HIPK4: variants seen among roughly 807,000 people sequenced by gnomAD.
The protein encoded by HIPK4 is homeodomain-interacting protein kinase 4.
Under a neutral mutation model 44.8 loss-of-function variants are expected in HIPK4, and 26 were observed. That is an observed-to-expected ratio of 0.58 (90% confidence interval 0.43 to 0.80). The LOEUF is 0.80. HIPK4 is among the 30% of genes least tolerant of loss of function. The probability of loss-of-function intolerance (pLI) is 0.00; values close to 1 mark genes in which losing one functional copy is unlikely to be tolerated. For synonymous variants in HIPK4, 340 were observed against 355.5 expected, an observed-to-expected ratio of 0.96 and a Z score of 0.49; for missense variants, 729 against 862.6, an observed-to-expected ratio of 0.85 and a Z score of 1.94.
At position 40,379,690 on chromosome 19, in the gene HIPK4, A is replaced by G. The variant is rs772842558; in HGVS notation, c.1748T>C (p.Val583Ala). 6.3e-7 allele frequency: 1 copy of G among 1,595,702 alleles called. No individual in the cohort carries two copies. The highest frequency in any genetic ancestry group is 8.5e-7 in the Non-Finnish European group (1 of 1,173,122). Residue 583 changes from valine (V) to alanine (A), a missense_variant, in exon 4 of 4, where the codon GTC becomes GCC. By Grantham distance (64) the Val-to-Ala change is moderately conservative (BLOSUM62 0). This residue lies in a region of HIPK4 where 533 missense variants were observed against 567.5 expected (regional missense o/e 0.94). Transcript: ENST00000291823. ...LSEPDCTLES[V>A]RGPRAQGLPP... ...GAGCCCCTGAGCCCGTGGGCCCCTG[A>G]CGCTCTCCAGGGTGCAGTCTGGCTC...
In HIPK4 at chr19:40,381,784, C is replaced by CTTT. The variant is rs55780075; in HGVS notation, c.823-619_823-617dup. On this transcript the variant is annotated intron_variant, in intron 2 of 3. Transcript: ENST00000291823. ...ACTCACCTGAGGTCTCACTCAGATC[C>CTTT]TTTTTTTTTTTTTTTTTTTTTTTTT... Among the ~76,000 whole-genome samples, 317 of 72,330 alleles carry CTTT rather than the reference C, an allele frequency of 4.4e-3. 37 individuals carry two copies. The highest frequency in any genetic ancestry group is 8.3e-3 in the African/African-American group (154 of 18,482). The allele number at this position is 72,330 out of a possible 152,430, so 47.5% of individuals were successfully genotyped here. A position where few individuals can be genotyped will look rare whatever the true frequency, so the allele number is the denominator to read the frequency against.
intron 2 of HIPK4, among the ~76,000 whole-genome samples, chr19:40,381,837 C>G (rs1355709570): frequency 1.6e-5 from 2 of 121,616 alleles, no homozygotes; most frequent in Non-Finnish European, 3.2e-5. Flanking sequence ...CAGAGTTTCA[C>G]TCTTGTTGCC....
In HIPK4 at chr19:40,389,672, C is replaced by T. The variant is rs1311119733; in HGVS notation, c.231G>A (p.Glu77=). ...PEEAHVIRFL[E]FFHDALKFYL... The stretch of plus-strand genomic sequence containing the variant: ...AGAACTTGAGGGCGTCATGGAAGAA[C>T]TCAAGGAAGCGGATGACGTGGGCCT... Residue 77 remains glutamate (E), a synonymous_variant, in exon 1 of 4, where the codon GAG becomes GAA. Coordinates refer to ENST00000291823, the MANE Select transcript of HIPK4 (RefSeq NM_144685.5). This position sits in a 1 kb window ranked among gnomAD's most constrained non-coding sequence, Gnocchi z 4.6. 6.2e-7 allele frequency: 1 copy of T among 1,614,196 alleles called. No individual in the cohort carries two copies. The highest frequency in any genetic ancestry group is 1.3e-5 in the African/African-American group (1 of 75,048).
chr19:40,382,674 T>C (rs1301118386), intron 2 of HIPK4, among the ~76,000 whole-genome samples: 2 of 152,150 alleles, frequency 1.3e-5, no homozygotes, highest in Non-Finnish European at 2.9e-5. Flanking sequence ...TTTCTTGCTG[T>C]GAAAATGCCC....
At chr19:40,386,135 T>A (rs567576897) in intron 1 of HIPK4, among the ~76,000 whole-genome samples, 1 of 152,320 alleles carries the variant, frequency 6.6e-6, no homozygotes, top group South Asian at 2.1e-4. Flanking sequence ...AGTGGTGTGA[T>A]CTTGGCTCAC....
At chr19:40,383,644 A>G (rs1188697197) in intron 2 of HIPK4, 139 bp downstream of exon 2, 2 of 706,526 alleles carry the variant, frequency 2.8e-6, no homozygotes, top group African/African-American at 1.8e-5. Context: ...CTGGTCTCAA[A>G]CCCCTAGGCT....
rs1017216817 is a variant in HIPK4, at chr19:40,390,007, G to A, written c.-105C>T. On this transcript the variant is annotated 5_prime_UTR_variant, in exon 1 of 4. Transcript: ENST00000291823. Reference sequence around the variant, plus strand: ...TGACACAGCAGGCCCCCCAGTGGGGGAAAGAGAACCGCACTCGTGTCTCCT... The same window carrying A: ...TGACACAGCAGGCCCCCCAGTGGGGAAAAGAGAACCGCACTCGTGTCTCCT... 1.3e-5 allele frequency: 11 copies of A among 831,904 alleles called. No individual in the cohort carries two copies. Among genetic ancestry groups the A allele is most frequent in the Non-Finnish European group, 1.9e-5 (10 of 536,866 alleles). The allele number at this position is 831,904 out of a possible 1,614,324, so 51.5% of individuals were successfully genotyped here.
At chr19:40,384,171 A>G (rs2079352277) in intron 1 of HIPK4, 32 bp from the exon 2 acceptor site, 2 of 1,526,436 alleles carry the variant, frequency 1.3e-6, no homozygotes, top group Non-Finnish European at 1.8e-6. Context: ...GCGAGTGGGC[A>G]GGTCAAGCAG....
Position 40,380,344 on chromosome 19 carries a change from G to A in HIPK4, c.1647C>T (p.Asp549=), listed in dbSNP as rs1363265298. The A allele has an allele frequency of 1.2e-6, 2 of 1,613,928 alleles. No homozygotes were observed. Among genetic ancestry groups the A allele is most frequent in the Non-Finnish European group, 1.7e-6 (2 of 1,179,828 alleles). ...LQRDEDGPNI[D]NMTMEAERPD... ...TCACCTCAGCTTCCATGGTCATGTT[G>A]TCAATGTTGGGCCCATCCTCATCTC... The change falls in exon 3 of 4, where the codon GAC becomes GAT. Residue 549 remains aspartate (D), a synonymous_variant. Coordinates refer to ENST00000291823, the MANE Select transcript of HIPK4 (RefSeq NM_144685.5). This position sits in a 1 kb window ranked among gnomAD's most constrained non-coding sequence, Gnocchi z 4.2.
rs2079324070 is a variant in HIPK4, at chr19:40,380,122, G to A, written c.1668+201C>T. Among the ~76,000 whole-genome samples the A allele has an allele frequency of 6.6e-6, 1 of 152,152 alleles. No individual in the cohort carries two copies. Among genetic ancestry groups the A allele is most frequent in the East Asian group, 1.9e-4 (1 of 5,194 alleles). On this transcript the variant is annotated intron_variant, in intron 3 of 3. Coordinates refer to ENST00000291823, the MANE Select transcript of HIPK4 (RefSeq NM_144685.5). The surrounding 1 kb of genome is among the most constrained non-coding windows in gnomAD (Gnocchi z 4.2). ...GTGCCCTGAGTTTTTGTCACAGCCT[G>A]GAAGTAGCTGAGTAAGTGCTGAGCC...
Position 40,384,078 on chromosome 19 carries a change from A to G in HIPK4, c.527T>C (p.Ile176Thr). The change falls in exon 2 of 4, where the codon ATC (isoleucine) becomes ACC (threonine). Residue 176 changes from isoleucine to threonine, a missense_variant. Physicochemically the swap from Ile to Thr is moderately conservative, Grantham distance 89. Around this residue, in one of 2 missense-constraint regions of HIPK4, gnomAD observed 196 missense variants for 295.1 expected, o/e 0.66. Transcript: ENST00000291823. ...SEVRYVKEPY[I>T]QSRFYRAPEI... ...AGGGGCCCGGTAGAAGCGCGACTGG[A>G]TGTATGGCTCCTTCACGTAGCGCAC... is the stretch of plus-strand genomic sequence containing the variant. The G allele has an allele frequency of 6.2e-7, 1 of 1,611,762 alleles. No individual in the cohort carries two copies. The highest frequency in any genetic ancestry group is 1.7e-4 in the Middle Eastern group (1 of 6,054).
Position 40,389,840 on chromosome 19 carries a change from G to A in HIPK4, c.63C>T (p.Thr21=), listed in dbSNP as rs2079380460. 2 of 1,613,784 alleles carry A rather than the reference G, an allele frequency of 1.2e-6. No homozygotes were observed. The highest frequency in any genetic ancestry group is 1.1e-5 in the South Asian group (1 of 91,086). The change falls in exon 1 of 4, where the codon ACC becomes ACT. Residue 21 remains threonine, a synonymous_variant. Coordinates refer to ENST00000291823, the MANE Select transcript of HIPK4 (RefSeq NM_144685.5). The surrounding 1 kb of genome is among the most constrained non-coding windows in gnomAD (Gnocchi z 4.6). ...YDIIEVLGKG[T]FGEVAKGWRR... ...GCCAGCCCTTGGCTACCTCCCCGAA[G>A]GTCCCCTTGCCCAAGACCTCGATGA...
chr19:40,380,259 G>T lies in HIPK4; in HGVS notation c.1668+64C>A. Reference sequence around the variant, plus strand: ...TCCTCACACACTAATCATATCCTGAGCACGGGTGAGTGTGTGCTGAGCCTC... The same window carrying T: ...TCCTCACACACTAATCATATCCTGATCACGGGTGAGTGTGTGCTGAGCCTC... On this transcript the variant is annotated intron_variant, in intron 3 of 3. Transcript: ENST00000291823. The surrounding 1 kb of genome is among the most constrained non-coding windows in gnomAD (Gnocchi z 4.2). The T allele has an allele frequency of 6.5e-7, 1 of 1,535,168 alleles. No individual in the cohort carries two copies. Among genetic ancestry groups the T allele is most frequent in the Non-Finnish European group, 8.8e-7 (1 of 1,141,938 alleles).
intron 1 of HIPK4, among the ~76,000 whole-genome samples, chr19:40,384,762 C>A (rs996302033): frequency 2.0e-5 from 3 of 151,816 alleles, no homozygotes; most frequent in Non-Finnish European, 2.9e-5. Flanking sequence ...CAGGTGCACA[C>A]CACCATGCCC....
chr19:40,389,889 T>C lies in HIPK4; in HGVS notation c.14A>G (p.Gln5Arg), dbSNP rs1445338664. 6.2e-7 allele frequency: 1 copy of C among 1,607,146 alleles called. No individual in the cohort carries two copies. The highest frequency in any genetic ancestry group is 8.5e-7 in the Non-Finnish European group (1 of 1,179,204). The change falls in exon 1 of 4, where the codon CAG becomes CGG. Residue 5 changes from glutamine (Q) to arginine (R), a missense_variant. Physicochemically the swap from Gln to Arg is conservative, Grantham distance 43 (BLOSUM62 1). Transcript: ENST00000291823. The surrounding 1 kb of genome is among the most constrained non-coding windows in gnomAD (Gnocchi z 4.6). MSTI[Q>R]SETDCYDIIE... ...GATGTCGTAGCAGTCAGTCTCCGACTGGATGGTGGACATGGTGCCGCTGCT... is the reference window on the plus strand; with the variant it reads ...GATGTCGTAGCAGTCAGTCTCCGACCGGATGGTGGACATGGTGCCGCTGCT...
At chr19:40,388,272 C>T (rs942788585) in intron 1 of HIPK4, among the ~76,000 whole-genome samples, 1 of 152,164 alleles carries the variant, frequency 6.6e-6, no homozygotes, top group Non-Finnish European at 1.5e-5. Flanking sequence ...CCCGCCTCGG[C>T]CTCCCAAAGT....
chr19:40,384,214 T>G, intron 1 of HIPK4, 75 bp from the exon 2 acceptor site: 1 of 1,144,538 alleles, frequency 8.7e-7, no homozygotes, highest in Non-Finnish European at 1.3e-6. Context: ...CCCCGGCATC[T>G]TTCACCTGGC....
intron 1 of HIPK4, among the ~76,000 whole-genome samples, chr19:40,386,601 C>T (rs551037176): frequency 2.6e-5 from 4 of 152,320 alleles, no homozygotes; most frequent in South Asian, 4.1e-4. Flanking sequence ...ATCCTCCTGC[C>T]TCAGCCTCCC....
In HIPK4 at chr19:40,389,522, G is replaced by A; in HGVS notation, c.381C>T (p.Leu127=). 2 of 1,613,684 alleles carry A rather than the reference G, an allele frequency of 1.2e-6. No individual in the cohort carries two copies. Among genetic ancestry groups the A allele is most frequent in the Non-Finnish European group, 1.7e-6 (2 of 1,179,796 alleles). Residue 127 remains leucine, a synonymous_variant, in exon 1 of 4, where the codon CTC becomes CTT. Transcript: ENST00000291823. This position sits in a 1 kb window ranked among gnomAD's most constrained non-coding sequence, Gnocchi z 4.6. Reference sequence around the variant, plus strand: ...CAGCGTGGATGATAGCCAGCTCCTTGAGCCGGGCCAGGGCTGTGAGCACCT... The same window carrying A: ...CAGCGTGGATGATAGCCAGCTCCTTAAGCCGGGCCAGGGCTGTGAGCACCT... The part of the protein sequence containing the change: ...TLQVLTALAR[L]KELAIIHADL...
Sources: allele counts gnomAD v4.1 joint callset (sites outside exome capture counted in the v4.1 genomes callset), GRCh38; gene constraint gnomAD v4.1.1; regional missense constraint gnomAD v4.1.1; non-coding constraint Gnocchi (gnomAD v3.1); transcripts MANE v1.5; gene names NCBI Gene and HGNC (gene_info 2026-07-23, HGNC 2026-07-21).